ZNF763: variants seen among roughly 807,000 people sequenced by gnomAD.
ZNF763 encodes the protein DNA-binding protein.
Under a neutral mutation model 38.0 loss-of-function variants are expected in ZNF763, and 33 were observed. The observed-to-expected ratio is 0.87, with a 90% confidence interval of 0.66 to 1.16. The LOEUF (loss-of-function observed/expected upper bound fraction) is 1.16. Among genes scored for constraint, ZNF763 ranks in the 50% most tolerant of loss-of-function variants. ZNF763 has a pLI of 0.00. For missense variants in ZNF763, 423 were observed against 469.1 expected, an observed-to-expected ratio of 0.90 and a Z score of 0.91; for synonymous variants, 155 against 160.1, an observed-to-expected ratio of 0.97 and a Z score of 0.24.
At position 11,978,454 on chromosome 19, in the gene ZNF763, G is replaced by A. The variant is rs751249945; in HGVS notation, c.530G>A (p.Cys177Tyr). 6.2e-7 allele frequency: 1 copy of A among 1,614,164 alleles called. No individual in the cohort carries two copies. Among genetic ancestry groups the A allele is most frequent in the East Asian group, 2.2e-5 (1 of 44,882 alleles). Residue 177 changes from cysteine (C) to tyrosine (Y), a missense_variant, in exon 4 of 4, where the codon TGT (cysteine) becomes TAT (tyrosine). Coordinates refer to ENST00000358987, the MANE Select transcript of ZNF763 (RefSeq NM_001367172.2). The stretch of plus-strand genomic sequence containing the variant: ...GAGAAACCCTATGCTTGTAAAGAAT[G>A]TGGAAAAACCTTTATTTCCCATTCA... ...TGEKPYACKE[C>Y]GKTFISHSGI... is the part of the protein sequence containing the mutation.
intron 1 of ZNF763, among the ~76,000 whole-genome samples, chr19:11,969,499 T>A (rs1973306545): frequency 6.6e-6 from 1 of 152,230 alleles, no homozygotes; most frequent in Admixed American, 6.5e-5. Flanking sequence ...AGCATAAATT[T>A]CATTTCCCTA....
intron 1 of ZNF763, among the ~76,000 whole-genome samples, chr19:11,971,965 G>A (rs1329013360): frequency 6.6e-6 from 1 of 151,982 alleles, no homozygotes; most frequent in East Asian, 1.9e-4. Flanking sequence ...AGGAGGATGA[G>A]GCAGGAGAAT....
Position 11,978,958 on chromosome 19 carries a change from G to T in ZNF763, c.1034G>T (p.Cys345Phe), listed in dbSNP as rs1291185678. Reference protein sequence around the residue: ...TGEKPYQCKECRKAFTYPSSL... With the variant: ...TGEKPYQCKEFRKAFTYPSSL... ...GAGAAGCCTTATCAATGTAAGGAAT[G>T]TAGAAAAGCATTCACGTATCCCAGT... is the stretch of plus-strand genomic sequence containing the variant. The change falls in exon 4 of 4, where the codon TGT becomes TTT. Residue 345 changes from cysteine (C) to phenylalanine (F), a missense_variant. Coordinates refer to ENST00000358987, the MANE Select transcript of ZNF763 (RefSeq NM_001367172.2). 6.2e-7 allele frequency: 1 copy of T among 1,614,094 alleles called. No homozygotes were observed. The highest frequency in any genetic ancestry group is 1.3e-5 in the African/African-American group (1 of 74,928).
At position 11,978,405 on chromosome 19, in the gene ZNF763, A is replaced by C. The variant is rs754623083; in HGVS notation, c.481A>C (p.Thr161Pro). The change falls in exon 4 of 4, where the codon ACA becomes CCA. Residue 161 changes from threonine to proline, a missense_variant. By Grantham distance (38) the Thr-to-Pro change is conservative. Coordinates refer to ENST00000358987, the MANE Select transcript of ZNF763 (RefSeq NM_001367172.2). ...KAFRYHPSFR[T>P]QERNHTGEKP... Reference sequence around the variant, plus strand: ...CTTCAGATATCACCCCTCCTTTAGAACACAAGAAAGGAATCACACCGGAGA... The same window carrying C: ...CTTCAGATATCACCCCTCCTTTAGACCACAAGAAAGGAATCACACCGGAGA... 2 of 1,614,194 alleles carry C rather than the reference A, an allele frequency of 1.2e-6. No homozygotes were observed. Among genetic ancestry groups the C allele is most frequent in the South Asian group, 2.2e-5 (2 of 91,088 alleles).
At chr19:11,977,572 C>T in intron 3 of ZNF763, 141 bp downstream of exon 3, 1 of 1,127,664 alleles carries the variant, frequency 8.9e-7, no homozygotes, top group Admixed American at 2.6e-5. Flanking sequence ...CATATATTTA[C>T]ATGTGACTAA....
chr19:11,978,518 A>C lies in ZNF763; in HGVS notation c.594A>C (p.Gly198=), dbSNP rs1973546799. ...RRRMVMHSGD[G]PYKCKFCGKA... is the part of the protein sequence containing the mutation. Reference sequence around the variant, plus strand: ...GCATGGTAATGCACAGTGGGGATGGACCTTATAAATGTAAGTTTTGTGGGA... The same window carrying C: ...GCATGGTAATGCACAGTGGGGATGGCCCTTATAAATGTAAGTTTTGTGGGA... Residue 198 remains glycine, a synonymous_variant, in exon 4 of 4, where the codon GGA becomes GGC. Coordinates refer to ENST00000358987, the MANE Select transcript of ZNF763 (RefSeq NM_001367172.2). The C allele has an allele frequency of 1.2e-6, 2 of 1,614,108 alleles. No individual in the cohort carries two copies. Among genetic ancestry groups the C allele is most frequent in the African/African-American group, 2.7e-5 (2 of 74,948 alleles).
intron 1 of ZNF763, among the ~76,000 whole-genome samples, chr19:11,970,848 T>C (rs933569447): frequency 6.6e-6 from 1 of 152,104 alleles, no homozygotes; most frequent in Non-Finnish European, 1.5e-5. Flanking sequence ...GGAGAATCGC[T>C]TGAACCTGGG....
rs1262505127 is a variant in ZNF763, at chr19:11,977,031, G to C, written c.4-7G>C. The C allele has an allele frequency of 3.1e-6, 5 of 1,614,158 alleles. No individual in the cohort carries two copies. Among genetic ancestry groups the C allele is most frequent in the Admixed American group, 1.7e-5 (1 of 60,012 alleles). On this transcript the variant is annotated splice_region_variant and splice_polypyrimidine_tract_variant and intron_variant, in intron 1 of 3. Transcript: ENST00000358987. ...CCAGCCTCCTCTACACATGTGAGAT[G>C]TTTCAGGACCCTGTGGCCTGTGAGG...
At chr19:11,971,157 G>C (rs1568306996) in intron 1 of ZNF763, among the ~76,000 whole-genome samples, 1 of 152,132 alleles carries the variant, frequency 6.6e-6, no homozygotes, top group Non-Finnish European at 1.5e-5. Context: ...ATTTGTTTCT[G>C]ACAGTTCTTG....
At position 11,980,045 on chromosome 19, in the gene ZNF763, C is replaced by G. The variant is rs1047223745; in HGVS notation, c.*936C>G. The G allele has an allele frequency of 4.6e-6, 5 of 1,095,958 alleles. No homozygotes were observed. The highest frequency in any genetic ancestry group is 6.8e-6 in the Non-Finnish European group (5 of 730,740). The allele number at this position is 1,095,958 out of a possible 1,614,324, so 67.9% of individuals were successfully genotyped here. A position where few individuals can be genotyped will look rare whatever the true frequency, so the allele number is the denominator to read the frequency against. On this transcript the variant is annotated 3_prime_UTR_variant, in exon 4 of 4. Transcript: ENST00000358987. ...TTCTTTTCGATAACATGAAAGGACT[C>G]ACACTGGAGAGAAACCCTATGAGTG...
At position 11,979,901 on chromosome 19, in the gene ZNF763, T is replaced by C. The variant is rs1973584641; in HGVS notation, c.*792T>C. ...GCACTCTGTAGAAAGACCTTATAAA[T>C]GTAAGATATGTGGGAAAGGCTTTTA... On this transcript the variant is annotated 3_prime_UTR_variant, in exon 4 of 4. Transcript: ENST00000358987. 1.4e-6 allele frequency: 2 copies of C among 1,403,592 alleles called. No homozygotes were observed. The highest frequency in any genetic ancestry group is 2.3e-5 in the East Asian group (1 of 43,186). The allele number at this position is 1,403,592 out of a possible 1,614,324, so 86.9% of individuals were successfully genotyped here. A position where few individuals can be genotyped will look rare whatever the true frequency, so the allele number is the denominator to read the frequency against.
chr19:11,979,116 G>A lies in ZNF763; in HGVS notation c.*7G>A. ...CTGGAGAAAGACCTTATAAATGTTA[G>A]ATATGTGGGAAAGGCCTTTATTCTG... On this transcript the variant is annotated 3_prime_UTR_variant, in exon 4 of 4. Coordinates refer to ENST00000358987, the MANE Select transcript of ZNF763 (RefSeq NM_001367172.2). 1 of 1,613,320 alleles carries A rather than the reference G, an allele frequency of 6.2e-7. No individual in the cohort carries two copies. Among genetic ancestry groups the A allele is most frequent in the Non-Finnish European group, 8.5e-7 (1 of 1,179,834 alleles).
In ZNF763 at chr19:11,979,338, T is replaced by G; in HGVS notation, c.*229T>G. The G allele has an allele frequency of 6.2e-7, 1 of 1,607,112 alleles. No homozygotes were observed. Among genetic ancestry groups the G allele is most frequent in the East Asian group, 2.2e-5 (1 of 44,458 alleles). On this transcript the variant is annotated 3_prime_UTR_variant, in exon 4 of 4. Coordinates refer to ENST00000358987, the MANE Select transcript of ZNF763 (RefSeq NM_001367172.2). Reference sequence around the variant, plus strand: ...CACACCTTCGAAGGCATGGTAGGACTCACTGGAGAGAAACCCTATGAGTGT... The same window carrying G: ...CACACCTTCGAAGGCATGGTAGGACGCACTGGAGAGAAACCCTATGAGTGT...
chr19:11,967,142 C>A (rs930569197), intron 1 of ZNF763, among the ~76,000 whole-genome samples: 2 of 152,160 alleles, frequency 1.3e-5, no homozygotes, highest in African/African-American at 4.8e-5. Flanking sequence ...CGAGACCACC[C>A]TGGGCAACAT....
intron 1 of ZNF763, among the ~76,000 whole-genome samples, chr19:11,967,133 G>A (rs919923346): frequency 3.9e-5 from 6 of 152,122 alleles, no homozygotes; most frequent in African/African-American, 9.7e-5. Context: ...TCAAGAGTTC[G>A]AGACCACCCT....
At position 11,978,137 on chromosome 19, in the gene ZNF763, C is replaced by G. The variant is rs969994538; in HGVS notation, c.213C>G (p.Val71=). The G allele has an allele frequency of 6.2e-7, 1 of 1,613,002 alleles. No individual in the cohort carries two copies. The highest frequency in any genetic ancestry group is 1.3e-5 in the African/African-American group (1 of 74,748). Reference sequence around the variant, plus strand: ...ACAGGAGTCTCATAGAAGGGAATGTCAATGAAATTAAAGAAGACAGTCATT... The same window carrying G: ...ACAGGAGTCTCATAGAAGGGAATGTGAATGAAATTAAAGAAGACAGTCATT... ...RNFRSLIEGN[V]NEIKEDSHCG... The change falls in exon 4 of 4, where the codon GTC becomes GTG. Residue 71 remains valine, a synonymous_variant. Coordinates refer to ENST00000358987, the MANE Select transcript of ZNF763 (RefSeq NM_001367172.2).
At chr19:11,974,487 CCCCTGG>C (rs1216675602) in intron 1 of ZNF763, among the ~76,000 whole-genome samples, 1 of 151,948 alleles carries the variant, frequency 6.6e-6, no homozygotes, top group Admixed American at 6.6e-5. Flanking sequence ...TGAGCCACTG[CCCCTGG>C]CCTGTTTTAA....
intron 2 of ZNF763, 22 bp downstream of exon 2, chr19:11,977,186 C>G (rs1425251679): frequency 1.2e-6 from 2 of 1,613,416 alleles, no homozygotes; most frequent in East Asian, 4.5e-5. Flanking sequence ...AATATTCCTT[C>G]CCTCAGTCCA....
In ZNF763 at chr19:11,978,574, T is replaced by C. The variant is rs369627452; in HGVS notation, c.650T>C (p.Ile217Thr). The C allele has an allele frequency of 1.4e-5, 23 of 1,614,072 alleles. No homozygotes were observed. The highest frequency in any genetic ancestry group is 1.6e-4 in the Middle Eastern group (1 of 6,084). Reference sequence around the variant, plus strand: ...GTCCATTGTCTCAGATTATATCTTATCCATGAAAGAACTCACACTGGAGAG... The same window carrying C: ...GTCCATTGTCTCAGATTATATCTTACCCATGAAAGAACTCACACTGGAGAG... Reference protein sequence around the residue: ...KAVHCLRLYLIHERTHTGEKP... With the variant: ...KAVHCLRLYLTHERTHTGEKP... The change falls in exon 4 of 4, where the codon ATC becomes ACC. Residue 217 changes from isoleucine to threonine, a missense_variant. Physicochemically the swap from Ile to Thr is moderately conservative, Grantham distance 89. Coordinates refer to ENST00000358987, the MANE Select transcript of ZNF763 (RefSeq NM_001367172.2).
Sources: allele counts gnomAD v4.1 joint callset (sites outside exome capture counted in the v4.1 genomes callset), GRCh38; gene constraint gnomAD v4.1.1; transcripts MANE v1.5; gene names NCBI Gene and HGNC (gene_info 2026-07-23, HGNC 2026-07-21).